Variants in PTPRT observed in about 807,000 individuals in gnomAD.
The protein encoded by PTPRT is receptor-type tyrosine-protein phosphatase T.
In PTPRT, 56 loss-of-function variants were observed where a neutral mutation model predicts 176.8. That is an observed-to-expected ratio of 0.32 (90% CI 0.26 to 0.40). PTPRT has a LOEUF of 0.40. Ranked by LOEUF, PTPRT falls within the 10% of genes least tolerant of loss-of-function variation. The pLI, the probability that PTPRT is intolerant of heterozygous loss-of-function variation, is 1.00. For missense variants in PTPRT, 1,540 were observed against 1,908.2 expected (o/e 0.81, Z 3.60); for synonymous variants, 783 against 739.0 (o/e 1.06, Z -0.96).
chr20:42,233,274 G>A (rs1464627243), intron 15 of PTPRT, among the ~76,000 whole-genome samples: 1 of 152,056 alleles, frequency 6.6e-6, no homozygotes, highest in Non-Finnish European at 1.5e-5. Flanking sequence ...TTTTGCTTGG[G>A]AGCTCCACCA....
At chr20:42,706,179 TTGTGTGTGTGTGTGTGTGTG>T (rs369232610) in intron 6 of PTPRT, among the ~76,000 whole-genome samples, 8 of 123,450 alleles carry the variant, frequency 6.5e-5, no homozygotes, top group African/African-American at 2.1e-4. Context: ...CTCTCTCTGT[TTGTGTGTGTGTGTGTGTGTG>T]TGTGTGTGTG....
chr20:42,291,953 T>C (rs1221199422), intron 12 of PTPRT, among the ~76,000 whole-genome samples: 2 of 152,110 alleles, frequency 1.3e-5, no homozygotes, highest in Non-Finnish European at 2.9e-5. Flanking sequence ...AGACTTACGG[T>C]GCAAGAGAAA....
chr20:42,736,646 A>AG (rs1033014122), intron 6 of PTPRT, among the ~76,000 whole-genome samples: 12 of 152,320 alleles, frequency 7.9e-5, no homozygotes, highest in Admixed American at 7.2e-4. Context: ...TGGTCAAGAA[A>AG]GGGGGTTCAT....
chr20:43,106,214 C>T (rs1304062645), intron 1 of PTPRT, among the ~76,000 whole-genome samples: 1 of 152,202 alleles, frequency 6.6e-6, no homozygotes, highest in Admixed American at 6.5e-5. Flanking sequence ...ACCACCTGCC[C>T]TCTCTAAGCC....
intron 1 of PTPRT, among the ~76,000 whole-genome samples, chr20:43,142,397 C>T (rs189052298): frequency 6.6e-6 from 1 of 152,210 alleles, no homozygotes; most frequent in African/African-American, 2.4e-5. Flanking sequence ...TCTCTGTACC[C>T]TCTGTGGAAG....
At chr20:43,065,106 C>T (rs899043021) in intron 1 of PTPRT, among the ~76,000 whole-genome samples, 1 of 152,198 alleles carries the variant, frequency 6.6e-6, no homozygotes, top group Non-Finnish European at 1.5e-5. Flanking sequence ...CATCTCCTTC[C>T]CCTTTGCATC....
chr20:42,569,041 C>T (rs1449903443), intron 7 of PTPRT, among the ~76,000 whole-genome samples: 10 of 65,600 alleles, frequency 1.5e-4, no homozygotes, highest in Admixed American at 1.5e-3. Context: ...GAGCAAGACT[C>T]CATCTCAAAA....
chr20:42,366,813 G>A (rs868783882), intron 9 of PTPRT, among the ~76,000 whole-genome samples: 1 of 152,222 alleles, frequency 6.6e-6, no homozygotes, highest in East Asian at 1.9e-4. Context: ...GGTGTCCTAA[G>A]CTGGGGATTG....
chr20:42,082,122 T>TGCAAG (rs1209851702), intron 29 of PTPRT, 105 bp from the exon 30 acceptor site: 5 of 1,519,736 alleles, frequency 3.3e-6, no homozygotes, highest in Non-Finnish European at 4.5e-6. Flanking sequence ...TCTGGGCAGA[T>TGCAAG]GCAAGGCAAG....
At chr20:42,905,976 T>G (rs2079471826) in intron 1 of PTPRT, among the ~76,000 whole-genome samples, 1 of 151,182 alleles carries the variant, frequency 6.6e-6, no homozygotes, top group South Asian at 2.1e-4. Context: ...AAATGATGAG[T>G]TGATGGGTGC....
intron 6 of PTPRT, among the ~76,000 whole-genome samples, chr20:42,725,971 A>T (rs769673433): frequency 4.6e-5 from 7 of 151,968 alleles, no homozygotes; most frequent in Non-Finnish European, 1.0e-4. Context: ...CCACCTCAAA[A>T]TCCTTAACTC....
chr20:42,488,780 C>T (rs2071507236), intron 7 of PTPRT, among the ~76,000 whole-genome samples: 1 of 152,008 alleles, frequency 6.6e-6, no homozygotes, highest in African/African-American at 2.4e-5. Flanking sequence ...GCCTGACCAA[C>T]TGAGAAAAGC....
intron 1 of PTPRT, among the ~76,000 whole-genome samples, chr20:43,132,145 T>C (rs2013664366): frequency 6.6e-6 from 1 of 152,100 alleles, no homozygotes; most frequent in African/African-American, 2.4e-5. Flanking sequence ...TTACTGAACA[T>C]TGTACTCTGA....
chr20:42,133,219 A>G (rs1988210465), intron 18 of PTPRT, among the ~76,000 whole-genome samples: 2 of 152,182 alleles, frequency 1.3e-5, no homozygotes, highest in Non-Finnish European at 2.9e-5. Context: ...AGGCTAAGCT[A>G]TGATGTTTGT....
intron 1 of PTPRT, 24 bp from the exon 2 acceptor site, chr20:42,885,956 A>G: frequency 6.3e-7 from 1 of 1,578,938 alleles, no homozygotes; most frequent in Middle Eastern, 1.7e-4. Context: ...AGATATGGGT[A>G]AATACATTCC....
In PTPRT at chr20:42,917,984, C is replaced by T. The variant is rs143918404; in HGVS notation, c.89-32052G>A. On this transcript the variant is annotated intron_variant, in intron 1 of 30. Transcript: ENST00000373187. ...CTTGGGCTAAATGTACTAGCGGTCG[C>T]GTGTCCCAGAGGTGCATCTCTCTGA... Among the ~76,000 whole-genome samples the T allele has an allele frequency of 1.1e-4, 16 of 152,234 alleles. No homozygotes were observed. In the East Asian group the frequency reaches 2.9e-3, roughly 28 times the overall value.
intron 7 of PTPRT, among the ~76,000 whole-genome samples, chr20:42,614,562 G>A (rs1159965915): frequency 2.0e-5 from 3 of 151,990 alleles, no homozygotes; most frequent in African/African-American, 7.3e-5. Flanking sequence ...ATTCCCCACT[G>A]CAGCTTTTTT....
intron 6 of PTPRT, among the ~76,000 whole-genome samples, chr20:42,747,545 G>C (rs1213330283): frequency 3.9e-5 from 6 of 152,196 alleles, no homozygotes; most frequent in Non-Finnish European, 8.8e-5. Flanking sequence ...AGGTGGGGGA[G>C]AGTGTTATTT....
At chr20:42,969,522 CT>C (rs1982495636) in intron 1 of PTPRT, 1 of 152,180 alleles carries the variant, frequency 6.6e-6, no homozygotes, top group Non-Finnish European at 1.5e-5. Flanking sequence ...GAGCACTTTA[CT>C]ATGAACTATG....
Sources: allele counts gnomAD v4.1 joint callset (sites outside exome capture counted in the v4.1 genomes callset), GRCh38; gene constraint gnomAD v4.1.1; transcripts MANE v1.5; gene names NCBI Gene and HGNC (gene_info 2026-07-23, HGNC 2026-07-21).